GRID2: variants seen among roughly 807,000 people sequenced by gnomAD.
GRID2 encodes glutamate receptor ionotropic, delta-2.
A neutral mutation model predicts 114.8 loss-of-function variants in GRID2; 33 were observed. The observed-to-expected ratio is 0.29, with a 90% CI of 0.22 to 0.38. GRID2 has a LOEUF of 0.38. Ranked by LOEUF, GRID2 falls within the 10% of genes least tolerant of loss-of-function variation. GRID2 has a pLI of 1.00. For missense variants in GRID2, 1,184 were observed against 1,257.7 expected (o/e 0.94, Z 0.89); for synonymous variants, 505 against 449.9 (o/e 1.12, Z -1.55).
At chr4:92,666,925 C>CT (rs1416598956) in intron 2 of GRID2, among the ~76,000 whole-genome samples, 1 of 151,328 alleles carries the variant, frequency 6.6e-6, no homozygotes, top group African/African-American at 2.4e-5. Flanking sequence ...GTGTTTGTCC[C>CT]TCCTTGATCA....
At chr4:92,951,348 T>C (rs1013306289) in intron 2 of GRID2, among the ~76,000 whole-genome samples, 9 of 151,564 alleles carry the variant, frequency 5.9e-5, no homozygotes, top group African/African-American at 2.2e-4. Flanking sequence ...TTTATTTATT[T>C]ATTTATTTAT....
intron 7 of GRID2, among the ~76,000 whole-genome samples, chr4:93,232,264 T>C (rs1181212640): frequency 6.6e-6 from 1 of 152,142 alleles, no homozygotes; most frequent in Non-Finnish European, 1.5e-5. Context: ...ATTATGTGAT[T>C]GCACATAAAA....
chr4:93,091,672 T>C (rs1014074516), intron 3 of GRID2, among the ~76,000 whole-genome samples: 1 of 152,148 alleles, frequency 6.6e-6, no homozygotes, highest in East Asian at 1.9e-4. Flanking sequence ...TTATAAAAAA[T>C]GGTGCAAGAG....
intron 14 of GRID2, among the ~76,000 whole-genome samples, chr4:93,712,323 C>T (rs1728555560): frequency 6.6e-6 from 1 of 151,936 alleles, no homozygotes; most frequent in Admixed American, 6.6e-5. Context: ...AATAGTGATG[C>T]AATTATAAGA....
chr4:92,556,901 T>C (rs1490110889), intron 1 of GRID2, among the ~76,000 whole-genome samples: 1 of 152,062 alleles, frequency 6.6e-6, no homozygotes, highest in Non-Finnish European at 1.5e-5. Flanking sequence ...TACTGGGAGG[T>C]GGAATCATGG....
chr4:93,328,683 G>T (rs1758107285), intron 8 of GRID2, among the ~76,000 whole-genome samples: 1 of 150,538 alleles, frequency 6.6e-6, no homozygotes. Flanking sequence ...TGTTGATTAA[G>T]TGCATGGATG....
intron 14 of GRID2, among the ~76,000 whole-genome samples, chr4:93,689,947 C>A (rs1272757421): frequency 1.3e-5 from 2 of 152,082 alleles, no homozygotes; most frequent in East Asian, 1.9e-4. Context: ...CAAAAACAAT[C>A]ATCTAATATC....
rs58063095 is a variant in GRID2 at position 92,403,693 on chromosome 4, A to AAAAT, written c.88+98997_88+99000dup. On this transcript the variant is annotated intron_variant, in intron 1 of 15. Coordinates refer to ENST00000282020, the MANE Select transcript of GRID2 (RefSeq NM_001510.4). Reference sequence around the variant, plus strand: ...GGGGACAGAGTGAGACTCCATCTCAAAAATAAATAAATAAATAAATAAATA... The same window carrying AAAAT: ...GGGGACAGAGTGAGACTCCATCTCAAAAATAAATAAATAAATAAATAAATAAATA... 7.2e-3 allele frequency among the ~76,000 whole-genome samples: 1,004 copies of AAAAT among 139,120 alleles called. 6 individuals are homozygous for AAAAT. Among genetic ancestry groups the AAAAT allele is most frequent in the African/African-American group, 0.012 (458 of 37,782 alleles). The allele number at this position is 139,120 out of a possible 152,430, so 91.3% of individuals were successfully genotyped here.
At chr4:93,301,922 A>C (rs1422964277) in intron 8 of GRID2, among the ~76,000 whole-genome samples, 1 of 152,182 alleles carries the variant, frequency 6.6e-6, no homozygotes, top group Admixed American at 6.5e-5. Flanking sequence ...AAATTTCTTG[A>C]GAGCCACCTA....
At chr4:93,652,250 A>G (rs1218171039) in intron 14 of GRID2, among the ~76,000 whole-genome samples, 2 of 152,112 alleles carry the variant, frequency 1.3e-5, no homozygotes, top group Non-Finnish European at 2.9e-5. Context: ...CACAAGGAGA[A>G]GACAGCCATC....
At chr4:93,571,981 A>C (rs946644779) in intron 13 of GRID2, among the ~76,000 whole-genome samples, 4 of 152,188 alleles carry the variant, frequency 2.6e-5, no homozygotes, top group Non-Finnish European at 5.9e-5. Context: ...ATTTGGATAC[A>C]GAAAGGTTTT....
intron 14 of GRID2, among the ~76,000 whole-genome samples, chr4:93,674,399 G>A (rs11945046): frequency 0.031 from 4,660 of 152,136 alleles, 110 homozygotes; most frequent in African/African-American, 0.062. Flanking sequence ...TGCAGTCTCT[G>A]GAATTAATCT....
At chr4:92,765,477 G>A (rs1738214344) in intron 2 of GRID2, among the ~76,000 whole-genome samples, 1 of 152,102 alleles carries the variant, frequency 6.6e-6, no homozygotes, top group Admixed American at 6.5e-5. Flanking sequence ...GCTATTCAAT[G>A]AAGCAGAGAG....
intron 14 of GRID2, among the ~76,000 whole-genome samples, chr4:93,700,417 T>A (rs1727410669): frequency 6.6e-6 from 1 of 152,192 alleles, no homozygotes. Flanking sequence ...CTCAATTAAT[T>A]GTCAATCTTA....
chr4:93,529,415 A>G (rs886325730), intron 13 of GRID2, among the ~76,000 whole-genome samples: 2 of 152,190 alleles, frequency 1.3e-5, no homozygotes. Context: ...AGAGAAATGT[A>G]AAGTCTTAGA....
At chr4:93,657,170 T>G (rs1337979756) in intron 14 of GRID2, among the ~76,000 whole-genome samples, 1 of 152,144 alleles carries the variant, frequency 6.6e-6, no homozygotes, top group Non-Finnish European at 1.5e-5. Flanking sequence ...TCAGATGATA[T>G]TTTATTCATA....
chr4:93,764,199 G>T (rs959613475), intron 14 of GRID2, among the ~76,000 whole-genome samples: 3 of 152,202 alleles, frequency 2.0e-5, no homozygotes, highest in African/African-American at 7.2e-5. Flanking sequence ...TATGAAAGAA[G>T]GATCTTTTGA....
chr4:93,202,874 A>G (rs1364279441), intron 4 of GRID2, among the ~76,000 whole-genome samples: 1 of 152,064 alleles, frequency 6.6e-6, no homozygotes, highest in Admixed American at 6.6e-5. Flanking sequence ...CTTTAATTCT[A>G]CTTCTACTGG....
intron 1 of GRID2, among the ~76,000 whole-genome samples, chr4:92,569,835 G>A (rs1727523392): frequency 6.6e-6 from 1 of 151,832 alleles, no homozygotes; most frequent in Non-Finnish European, 1.5e-5. Flanking sequence ...GTGAGTTTAG[G>A]TTCCTTATAG....
Sources: gnomAD v4.1 joint callset for allele counts (sites outside exome capture counted in the v4.1 genomes callset) on GRCh38, gnomAD v4.1.1 for gene constraint, MANE v1.5 for transcripts, NCBI Gene and HGNC (gene_info 2026-07-23, HGNC 2026-07-21) for gene names.